The following LRRC8D variants were observed in gnomAD, a reference collection of about 807,000 sequenced individuals.
LRRC8D encodes volume-regulated anion channel subunit LRRC8D.
LRRC8D carries 20 observed loss-of-function variants against 55.8 expected under a neutral mutation model. The observed-to-expected ratio is 0.36, with a 90% confidence interval of 0.25 to 0.52. The LOEUF (loss-of-function observed/expected upper bound fraction) is 0.52. LRRC8D is among the 20% of genes least tolerant of loss of function. The probability of loss-of-function intolerance (pLI) is 0.93; values close to 1 mark genes in which losing one functional copy is unlikely to be tolerated. For synonymous variants in LRRC8D, 352 were observed against 377.0 expected, an observed-to-expected ratio of 0.93 and a Z score of 0.77; for missense variants, 651 against 1,030.8, an observed-to-expected ratio of 0.63 and a Z score of 5.05.
chr1:89,855,198 C>T (rs1661524118), intron 2 of LRRC8D, among the ~76,000 whole-genome samples: 1 of 152,200 alleles, frequency 6.6e-6, no homozygotes, highest in South Asian at 2.1e-4. Context: ...GTCCTTTCTC[C>T]TTTCCGTTTC....
In LRRC8D at chr1:89,862,693, T is replaced by C. The variant is rs374218423; in HGVS notation, c.-3+18911T>C. Among the ~76,000 whole-genome samples, 16 of 152,338 alleles carry C rather than the reference T, an allele frequency of 1.1e-4. 1 individual carries two copies. Among genetic ancestry groups the C allele is most frequent in the Admixed American group, 3.9e-4 (6 of 15,308 alleles). ...AACAACTTGTTCCAGGTTATACAGC[T>C]TATAAACTGGAACTGGATCCCAGGT... On this transcript the variant is annotated intron_variant, in intron 2 of 2. Coordinates refer to ENST00000337338, the MANE Select transcript of LRRC8D (RefSeq NM_001134479.2).
intron 2 of LRRC8D, among the ~76,000 whole-genome samples, chr1:89,912,574 G>A (rs1663162077): frequency 6.6e-6 from 1 of 152,112 alleles, no homozygotes; most frequent in Admixed American, 6.6e-5. Context: ...GCCCTCATTA[G>A]TGTTTTATTC....
At chr1:89,909,872 A>AG (rs2100937749) in intron 2 of LRRC8D, among the ~76,000 whole-genome samples, 1 of 152,090 alleles carries the variant, frequency 6.6e-6, no homozygotes, top group African/African-American at 2.4e-5. Flanking sequence ...TCTCAAAAAA[A>AG]AAAAAAAAAA....
At chr1:89,873,402 T>A (rs75071964) in intron 2 of LRRC8D, among the ~76,000 whole-genome samples, 1,614 of 152,350 alleles carry the variant, frequency 0.011, 30 homozygotes, top group African/African-American at 0.037. Context: ...AACATTTTGA[T>A]AAGTTTAGTT....
At chr1:89,886,348 T>C (rs1662418592) in intron 2 of LRRC8D, among the ~76,000 whole-genome samples, 2 of 152,154 alleles carry the variant, frequency 1.3e-5, no homozygotes, top group Non-Finnish European at 2.9e-5. Context: ...CATTTAGGAT[T>C]TTCTTTTACC....
intron 2 of LRRC8D, among the ~76,000 whole-genome samples, chr1:89,922,470 G>A (rs1428405885): frequency 1.3e-5 from 2 of 152,212 alleles, no homozygotes; most frequent in Non-Finnish European, 2.9e-5. Flanking sequence ...GGTGCTACAT[G>A]CTAGTTCAAA....
rs752824446 is a variant in LRRC8D, at chr1:89,934,489, TG to T, written c.1422del (p.Leu474PhefsTer22). The T allele has an allele frequency of 6.2e-7, 1 of 1,614,216 alleles. No individual in the cohort carries two copies. The highest frequency in any genetic ancestry group is 1.7e-5 in the Admixed American group (1 of 60,028). On this transcript the variant is annotated frameshift_variant, in exon 3 of 3. Transcript: ENST00000337338. LOFTEE classifies it high-confidence loss of function. The surrounding 1 kb of genome is among the most constrained non-coding windows in gnomAD (Gnocchi z 5.9). ...ISRNAQDKQE[L>X]HLFMLSGVPD... ...CGCAACGCCCAGGACAAGCAGGAGT[TG>T]CATCTGTTCATGCTGTCGGGGGTGC...
chr1:89,881,654 G>A (rs1197706541), intron 2 of LRRC8D, among the ~76,000 whole-genome samples: 2 of 152,324 alleles, frequency 1.3e-5, no homozygotes, highest in East Asian at 3.9e-4. Context: ...AATAAGGCAA[G>A]TGGAAGGGAG....
chr1:89,865,535 A>G (rs2100807384), intron 2 of LRRC8D, among the ~76,000 whole-genome samples: 1 of 152,172 alleles, frequency 6.6e-6, no homozygotes, highest in Non-Finnish European at 1.5e-5. Flanking sequence ...CCAAATATGT[A>G]CTTAAGGCAT....
At chr1:89,902,097 G>A (rs1017008729) in intron 2 of LRRC8D, among the ~76,000 whole-genome samples, 3 of 152,250 alleles carry the variant, frequency 2.0e-5, no homozygotes, top group African/African-American at 7.2e-5. Context: ...CACAAGGTGT[G>A]AGACACACTC....
intron 1 of LRRC8D, among the ~76,000 whole-genome samples, chr1:89,830,910 T>A (rs1660870118): frequency 6.7e-6 from 1 of 149,752 alleles, no homozygotes; most frequent in African/African-American, 2.5e-5. Flanking sequence ...ACACTTTTTT[T>A]TTTTTTTTTT....
At chr1:89,926,934 T>C (rs1663579444) in intron 2 of LRRC8D, among the ~76,000 whole-genome samples, 6 of 152,256 alleles carry the variant, frequency 3.9e-5, no homozygotes, top group Admixed American at 3.9e-4. Context: ...CAAGGGTAAA[T>C]AACAACACTT....
chr1:89,840,501 T>G (rs1396882297), intron 1 of LRRC8D, among the ~76,000 whole-genome samples: 1 of 152,144 alleles, frequency 6.6e-6, no homozygotes. Context: ...TGGCTGCCCT[T>G]CCCCCACAGC....
intron 2 of LRRC8D, among the ~76,000 whole-genome samples, chr1:89,906,243 G>A (rs930804832): frequency 2.0e-5 from 3 of 152,100 alleles, no homozygotes; most frequent in African/African-American, 7.2e-5. Flanking sequence ...ATGCTAAACA[G>A]AACAAGACAT....
chr1:89,880,131 G>A (rs549714376), intron 2 of LRRC8D, among the ~76,000 whole-genome samples: 1 of 151,402 alleles, frequency 6.6e-6, no homozygotes, highest in East Asian at 1.9e-4. Flanking sequence ...ATTACTGATT[G>A]GAAATTGGTT....
intron 1 of LRRC8D, among the ~76,000 whole-genome samples, chr1:89,829,223 C>T (rs1273933557): frequency 6.6e-6 from 1 of 152,242 alleles, no homozygotes; most frequent in Non-Finnish European, 1.5e-5. Flanking sequence ...TTAAGAAGTA[C>T]TTGGACAATG....
chr1:89,925,406 G>A (rs1414869987), intron 2 of LRRC8D, among the ~76,000 whole-genome samples: 2 of 152,108 alleles, frequency 1.3e-5, no homozygotes, highest in Non-Finnish European at 2.9e-5. Context: ...TAACAAATGT[G>A]ATGCACTTGA....
intron 1 of LRRC8D, among the ~76,000 whole-genome samples, chr1:89,822,802 GC>G (rs1374643575): frequency 6.6e-6 from 1 of 152,142 alleles, no homozygotes; most frequent in Non-Finnish European, 1.5e-5. Context: ...ATTTATTTTT[GC>G]AGTCCAAAAA....
chr1:89,853,624 A>G (rs1661478511), intron 2 of LRRC8D, among the ~76,000 whole-genome samples: 1 of 152,250 alleles, frequency 6.6e-6, no homozygotes, highest in South Asian at 2.1e-4. Flanking sequence ...CAGGGTGTCT[A>G]AACCTCAGGT....
Sources: gnomAD v4.1 joint callset for allele counts (sites outside exome capture counted in the v4.1 genomes callset) on GRCh38, gnomAD v4.1.1 for gene constraint, Gnocchi (gnomAD v3.1) non-coding constraint, MANE v1.5 for transcripts, NCBI Gene and HGNC (gene_info 2026-07-23, HGNC 2026-07-21) for gene names.